The following ASXL3 variants were observed in gnomAD, a reference collection of about 807,000 sequenced individuals.
ASXL3 encodes ASXL transcriptional regulator 3.
ASXL3 carries 34 observed loss-of-function variants against 170.6 expected under a neutral mutation model. The observed-to-expected ratio is 0.20, with a 90% CI of 0.15 to 0.27. The LOEUF (loss-of-function observed/expected upper bound fraction) is 0.27, where lower values mean the gene tolerates loss of function less well. ASXL3 is among the 10% of genes least tolerant of loss of function. The pLI is 1.00. For missense variants in ASXL3, 2,592 were observed against 2,695.3 expected (o/e 0.96, Z 0.85); for synonymous variants, 1,002 against 989.1 (o/e 1.01, Z -0.24).
chr18:33,606,328 A>G (rs2065248134), intron 1 of ASXL3, among the ~76,000 whole-genome samples: 1 of 151,810 alleles, frequency 6.6e-6, no homozygotes, highest in Non-Finnish European at 1.5e-5. Context: ...TTCTTTTAAT[A>G]ATTTATAACA....
intron 4 of ASXL3, among the ~76,000 whole-genome samples, chr18:33,653,758 C>T (rs2066037956): frequency 1.3e-5 from 2 of 152,004 alleles, no homozygotes; most frequent in African/African-American, 2.4e-5. Context: ...ATAGAAATCG[C>T]ACAGTCCCCC....
At position 33,743,387 on chromosome 18, in the gene ASXL3, C is replaced by T. The variant is rs2067700735; in HGVS notation, c.3539C>T (p.Thr1180Ile). 2 of 1,613,338 alleles carry T rather than the reference C, an allele frequency of 1.2e-6. No homozygotes were observed. The highest frequency in any genetic ancestry group is 1.7e-6 in the Non-Finnish European group (2 of 1,179,844). ...TCTGCCCACCTCCGGGAGACCACCA[C>T]TGTACTACAGCAGTCTCTTAACCCA... Reference protein sequence around the residue: ...NKSAHLRETTTVLQQSLNPSK... With the variant: ...NKSAHLRETTIVLQQSLNPSK... The change falls in exon 12 of 12, where the codon ACT becomes ATT. Residue 1180 changes from threonine (T) to isoleucine (I), a missense_variant. Transcript: ENST00000269197.
chr18:33,704,178 C>T (rs2066922397), intron 8 of ASXL3, among the ~76,000 whole-genome samples: 2 of 152,132 alleles, frequency 1.3e-5, no homozygotes, highest in South Asian at 2.1e-4. Flanking sequence ...TTCATATTAA[C>T]GTCTTATTTC....
intron 9 of ASXL3, among the ~76,000 whole-genome samples, 177 bp from the exon 10 acceptor site, chr18:33,734,133 T>TTAGC (rs2067504380): frequency 1.3e-5 from 2 of 151,754 alleles, no homozygotes; most frequent in African/African-American, 2.4e-5. Context: ...GCTTTAGCAT[T>TTAGC]TTTATGAACA....
intron 2 of ASXL3, among the ~76,000 whole-genome samples, chr18:33,628,623 G>T (rs1183978573): frequency 6.6e-6 from 1 of 152,162 alleles, no homozygotes; most frequent in Non-Finnish European, 1.5e-5. Flanking sequence ...TTACTCTAAG[G>T]ATCTGTGCAT....
chr18:33,592,328 T>C lies in ASXL3; in HGVS notation c.54+13643T>C, dbSNP rs556331376. ...TTAAATAAAAATCTTTCTCTGTCTTTAATACATGAGCAAGTAGATATTACC... is the reference window on the plus strand; with the variant it reads ...TTAAATAAAAATCTTTCTCTGTCTTCAATACATGAGCAAGTAGATATTACC... On this transcript the variant is annotated intron_variant, in intron 1 of 11. Transcript: ENST00000269197. Among the ~76,000 whole-genome samples the C allele has an allele frequency of 7.9e-5, 12 of 152,364 alleles. No individual in the cohort carries two copies. The South Asian group carries it at 2.5e-3, about 32-fold the overall frequency.
chr18:33,683,834 C>T (rs1015523693), intron 8 of ASXL3, among the ~76,000 whole-genome samples: 1 of 152,070 alleles, frequency 6.6e-6, no homozygotes, highest in Non-Finnish European at 1.5e-5. Flanking sequence ...ACAAAGAAAT[C>T]AAACATTCCA....
chr18:33,598,495 T>C (rs2065151404), intron 1 of ASXL3, among the ~76,000 whole-genome samples: 1 of 152,178 alleles, frequency 6.6e-6, no homozygotes, highest in Non-Finnish European at 1.5e-5. Context: ...TCTGACAAAC[T>C]CATGTTTCTT....
intron 11 of ASXL3, among the ~76,000 whole-genome samples, chr18:33,741,923 C>T (rs2067670147): frequency 6.6e-6 from 1 of 152,224 alleles, no homozygotes; most frequent in African/African-American, 2.4e-5. Context: ...TAGAGCAACA[C>T]AGCCTTGCTA....
intron 4 of ASXL3, among the ~76,000 whole-genome samples, chr18:33,648,763 A>G (rs938200692): frequency 6.6e-6 from 1 of 152,078 alleles, no homozygotes; most frequent in African/African-American, 2.4e-5. Flanking sequence ...AGAGTATAGA[A>G]AACAGTGAGA....
intron 4 of ASXL3, among the ~76,000 whole-genome samples, chr18:33,647,363 T>G (rs895763915): frequency 6.6e-6 from 1 of 152,066 alleles, no homozygotes; most frequent in Non-Finnish European, 1.5e-5. Flanking sequence ...AAAAACACAG[T>G]TTATTGCCCT....
At chr18:33,590,077 C>T (rs1387439929) in intron 1 of ASXL3, among the ~76,000 whole-genome samples, 1 of 140,768 alleles carries the variant, frequency 7.1e-6, no homozygotes, top group Non-Finnish European at 1.5e-5. Flanking sequence ...GAGGTAGGGA[C>T]TTAGAGAATG....
At chr18:33,616,722 T>G (rs1436836516) in intron 2 of ASXL3, 1 of 152,158 alleles carries the variant, frequency 6.6e-6, no homozygotes, top group Non-Finnish European at 1.5e-5. Context: ...CAGTGTCCGT[T>G]TCTGGTAAGG....
Position 33,606,728 on chromosome 18 carries a change from T to C in ASXL3, c.55-866T>C, listed in dbSNP as rs199766542. On this transcript the variant is annotated intron_variant, in intron 1 of 11. Transcript: ENST00000269197. ...TGTCATCTACCCTTGGAGTAGGTCA[T>C]TGTGGAGATGTGTGTAACTTGTTTC... 9.9e-5 allele frequency among the ~76,000 whole-genome samples: 15 copies of C among 152,062 alleles called. No individual in the cohort carries two copies. The East Asian group carries it at 2.7e-3, about 28-fold the overall frequency.
intron 2 of ASXL3, among the ~76,000 whole-genome samples, chr18:33,644,542 C>T (rs1236281802): frequency 6.7e-6 from 1 of 150,070 alleles, no homozygotes; most frequent in African/African-American, 2.4e-5. Flanking sequence ...AAAGCTAAGG[C>T]TTCATGGTGT....
intron 4 of ASXL3, among the ~76,000 whole-genome samples, chr18:33,653,213 G>A (rs908942845): frequency 7.2e-5 from 11 of 152,026 alleles, no homozygotes; most frequent in Non-Finnish European, 1.5e-4. Flanking sequence ...GTTCAGGAGG[G>A]TGGGGGTAGG....
At chr18:33,705,319 A>G (rs1295670179) in intron 8 of ASXL3, among the ~76,000 whole-genome samples, 2 of 150,942 alleles carry the variant, frequency 1.3e-5, no homozygotes, top group Non-Finnish European at 3.0e-5. Flanking sequence ...CACCAACTTT[A>G]TATAGACCCA....
intron 8 of ASXL3, among the ~76,000 whole-genome samples, chr18:33,730,466 A>G (rs192064089): frequency 9.7e-4 from 148 of 152,274 alleles, no homozygotes; most frequent in Middle Eastern, 3.4e-3. Flanking sequence ...GCCATTGGGA[A>G]CATAGCACCA....
At chr18:33,581,033 G>T (rs951705096) in intron 1 of ASXL3, among the ~76,000 whole-genome samples, 1 of 151,978 alleles carries the variant, frequency 6.6e-6, no homozygotes, top group Non-Finnish European at 1.5e-5. Context: ...TTGGTTAACG[G>T]TGATAACTGG....
Sources: gnomAD v4.1 joint callset for allele counts (sites outside exome capture counted in the v4.1 genomes callset) on GRCh38, gnomAD v4.1.1 for gene constraint, MANE v1.5 for transcripts, NCBI Gene and HGNC (gene_info 2026-07-23, HGNC 2026-07-21) for gene names.